Variants in RANBP2 observed in about 807,000 individuals in gnomAD.
RANBP2 encodes RAN binding protein 2.
In RANBP2, 57 loss-of-function variants were observed where a neutral mutation model predicts 303.6. That is an observed-to-expected ratio of 0.19 (90% CI 0.15 to 0.23). The LOEUF is 0.23. Ranked by LOEUF, RANBP2 falls within the 10% of genes least tolerant of loss-of-function variation. RANBP2 has a pLI of 1.00. For missense variants in RANBP2, 3,138 were observed against 3,780.8 expected, an observed-to-expected ratio of 0.83 and a Z score of 4.46; for synonymous variants, 1,167 against 1,301.5, an observed-to-expected ratio of 0.90 and a Z score of 2.23.
chr2:108,878,279 G>C, the RANBP2 span: 1 of 163,702 alleles, frequency 6.1e-6, no homozygotes, highest in African/African-American at 2.4e-5. Flanking sequence ...CCATCATCAT[G>C]ATGTGTACAG....
At chr2:109,128,757 T>G in the RANBP2 span, 2 of 185,228 alleles carry the variant, frequency 1.1e-5, no homozygotes, top group East Asian at 1.9e-4. Flanking sequence ...GCAGCAGCGT[T>G]GGCAGGAAAC....
the RANBP2 span, among the ~76,000 whole-genome samples, chr2:109,423,111 C>T: frequency 1.3e-5 from 2 of 152,166 alleles, no homozygotes; most frequent in African/African-American, 4.8e-5. Context: ...AAACTAGGTA[C>T]CCTGTGAGGT....
the RANBP2 span, among the ~76,000 whole-genome samples, chr2:109,484,609 C>T: frequency 1.3e-5 from 2 of 152,194 alleles, no homozygotes; most frequent in African/African-American, 4.8e-5. Context: ...CCTGGTCCAT[C>T]ATATCTAGTA....
chr2:109,292,166 A>C, the RANBP2 span, among the ~76,000 whole-genome samples: 1 of 152,198 alleles, frequency 6.6e-6, no homozygotes, highest in Non-Finnish European at 1.5e-5. Context: ...CCTGGCCCCA[A>C]TATGTATTTT....
chr2:109,093,430 G>GA, the RANBP2 span, among the ~76,000 whole-genome samples: 63 of 128,976 alleles, frequency 4.9e-4, no homozygotes, highest in African/African-American at 7.4e-4. Context: ...AAAAAAGAAA[G>GA]AAAAAAAAAG....
chr2:109,243,788 G>A, the RANBP2 span, among the ~76,000 whole-genome samples: 1 of 152,186 alleles, frequency 6.6e-6, no homozygotes, highest in African/African-American at 2.4e-5. Flanking sequence ...AAGGAGTTTG[G>A]GACATGTTCT....
the RANBP2 span, among the ~76,000 whole-genome samples, chr2:109,464,568 A>G: frequency 6.6e-6 from 1 of 152,216 alleles, no homozygotes; most frequent in Non-Finnish European, 1.5e-5. Context: ...ACTTCTGCCA[A>G]TTCTGCTCCC....
the RANBP2 span, among the ~76,000 whole-genome samples, chr2:109,579,028 A>T: frequency 6.6e-6 from 1 of 152,172 alleles, no homozygotes; most frequent in Non-Finnish European, 1.5e-5. Context: ...AATTGACAAC[A>T]CTTTGTCAAG....
At chr2:108,978,089 C>T in the RANBP2 span, among the ~76,000 whole-genome samples, 9 of 152,304 alleles carry the variant, frequency 5.9e-5, no homozygotes, top group Non-Finnish European at 1.0e-4. Flanking sequence ...TAGGGAAGAG[C>T]CCAGGGTAGG....
the RANBP2 span, among the ~76,000 whole-genome samples, chr2:108,879,592 A>G: frequency 1.3e-5 from 2 of 152,342 alleles, no homozygotes; most frequent in South Asian, 2.1e-4. Context: ...TTAACTTTCT[A>G]ATAGAAAAAT....
the RANBP2 span, among the ~76,000 whole-genome samples, chr2:109,155,164 A>T: frequency 6.6e-6 from 1 of 152,292 alleles, no homozygotes; most frequent in African/African-American, 2.4e-5. Context: ...GGTGTTCGGC[A>T]TTTTGCAAAC....
At chr2:109,385,903 TTC>T in the RANBP2 span, among the ~76,000 whole-genome samples, 2 of 42,134 alleles carry the variant, frequency 4.7e-5, no homozygotes, top group African/African-American at 1.5e-4. Context: ...AACTCTGCTC[TTC>T]TTCATATTTC....
At chr2:109,698,296 A>T in the RANBP2 span, among the ~76,000 whole-genome samples, 1 of 151,656 alleles carries the variant, frequency 6.6e-6, no homozygotes, top group Admixed American at 6.6e-5. Context: ...AAGTCTTTTA[A>T]ATTTAAACAT....
chr2:109,187,663 A>G, the RANBP2 span, among the ~76,000 whole-genome samples: 5 of 152,020 alleles, frequency 3.3e-5, no homozygotes, highest in Non-Finnish European at 2.9e-5. Flanking sequence ...ATGCATGTAC[A>G]CTCTGATGTT....
At chr2:109,307,718 C>G in the RANBP2 span, among the ~76,000 whole-genome samples, 1 of 148,974 alleles carries the variant, frequency 6.7e-6, no homozygotes, top group African/African-American at 2.5e-5. Context: ...ATGATGATTT[C>G]CAATTTCATC....
intron 26 of RANBP2, among the ~76,000 whole-genome samples, chr2:108,781,782 T>C (rs1455236006): frequency 6.6e-6 from 1 of 152,210 alleles, no homozygotes; most frequent in East Asian, 1.9e-4. Flanking sequence ...ACAAGAACAT[T>C]GTTCTAGGAA....
the RANBP2 span, among the ~76,000 whole-genome samples, chr2:108,992,612 G>A: frequency 6.6e-6 from 1 of 152,200 alleles, no homozygotes; most frequent in African/African-American, 2.4e-5. Context: ...ACCTGCAGGT[G>A]AAGTCTATCT....
At chr2:109,144,508 T>C in the RANBP2 span, among the ~76,000 whole-genome samples, 1 of 152,328 alleles carries the variant, frequency 6.6e-6, no homozygotes, top group South Asian at 2.1e-4. Flanking sequence ...GCTGAGGCTT[T>C]GTATGAGGGA....
chr2:109,019,181 C>A, the RANBP2 span, among the ~76,000 whole-genome samples: 1 of 152,208 alleles, frequency 6.6e-6, no homozygotes, highest in South Asian at 2.1e-4. Flanking sequence ...CCGACCCGTG[C>A]CTCAGTTTCC....
Sources: allele counts gnomAD v4.1 joint callset (sites outside exome capture counted in the v4.1 genomes callset), GRCh38; gene constraint gnomAD v4.1.1; transcripts MANE v1.5; gene names NCBI Gene and HGNC (gene_info 2026-07-23, HGNC 2026-07-21).